Variants in CYP4X1 observed in about 807,000 individuals in gnomAD.
The protein encoded by CYP4X1 is cytochrome P450 4X1.
CYP4X1 carries 44 observed loss-of-function variants against 57.9 expected under a neutral mutation model. That is an observed-to-expected ratio of 0.76 (90% CI 0.60 to 0.98). The LOEUF is 0.98. Among genes scored for constraint, CYP4X1 ranks in the 50% least tolerant of loss-of-function variants. The pLI is 0.00. For missense variants in CYP4X1, 532 were observed against 623.9 expected (o/e 0.85, Z 1.57); for synonymous variants, 227 against 228.6 (o/e 0.99, Z 0.06).
chr1:47,029,538 G>A (rs1201833797), intron 1 of CYP4X1, among the ~76,000 whole-genome samples: 1 of 152,174 alleles, frequency 6.6e-6, no homozygotes, highest in Non-Finnish European at 1.5e-5. Context: ...AATCACTGGT[G>A]CATAATTAGA....
intron 11 of CYP4X1, 69 bp from the exon 12 acceptor site, chr1:47,049,931 T>C (rs1644344221): frequency 1.7e-5 from 25 of 1,454,368 alleles, no homozygotes; most frequent in Non-Finnish European, 2.1e-5. Flanking sequence ...CTTATTGTAC[T>C]AGTATTTTAC....
At chr1:46,964,634 G>C in the CYP4X1 span, among the ~76,000 whole-genome samples, 1 of 152,326 alleles carries the variant, frequency 6.6e-6, no homozygotes, top group Non-Finnish European at 1.5e-5. Context: ...ACCATGTGAG[G>C]TGTCAGTCTG....
At chr1:47,009,623 C>A in the CYP4X1 span, among the ~76,000 whole-genome samples, 3 of 152,106 alleles carry the variant, frequency 2.0e-5, no homozygotes, top group Admixed American at 6.5e-5. Flanking sequence ...AATCCCAGAG[C>A]TGGTTTTTTG....
chr1:46,991,357 A>T, the CYP4X1 span, among the ~76,000 whole-genome samples: 1 of 152,140 alleles, frequency 6.6e-6, no homozygotes, highest in Non-Finnish European at 1.5e-5. Flanking sequence ...GGGCCTCATT[A>T]ATTCTCCACA....
downstream of CYP4X1, among the ~76,000 whole-genome samples, chr1:47,052,742 T>A (rs1361473342): frequency 6.6e-6 from 1 of 152,108 alleles, no homozygotes; most frequent in Non-Finnish European, 1.5e-5. Context: ...AAATCTTCTT[T>A]GGAACTCAGT....
the CYP4X1 span, among the ~76,000 whole-genome samples, chr1:46,990,207 AAAAC>A: frequency 1.8e-3 from 279 of 152,360 alleles, 5 homozygotes; most frequent in Non-Finnish European, 1.3e-4. Flanking sequence ...TTACAAGAAA[AAAAC>A]AAACAACCCC....
At chr1:47,011,809 T>C in the CYP4X1 span, among the ~76,000 whole-genome samples, 1 of 152,218 alleles carries the variant, frequency 6.6e-6, no homozygotes, top group Non-Finnish European at 1.5e-5. Flanking sequence ...CATGAAAAGA[T>C]GCTCATCATC....
intron 3 of CYP4X1, 107 bp downstream of exon 3, chr1:47,031,587 G>T: frequency 8.1e-7 from 1 of 1,241,714 alleles, no homozygotes; most frequent in Admixed American, 1.8e-5. Flanking sequence ...CACAAAGAGT[G>T]CAAGGTAGAG....
At chr1:46,969,127 T>A in the CYP4X1 span, among the ~76,000 whole-genome samples, 3 of 152,224 alleles carry the variant, frequency 2.0e-5, no homozygotes, top group South Asian at 6.2e-4. Flanking sequence ...GATCAGTGAG[T>A]GAGTGCTCAG....
the CYP4X1 span, among the ~76,000 whole-genome samples, chr1:46,971,817 A>G: frequency 3.3e-5 from 5 of 151,246 alleles, no homozygotes; most frequent in African/African-American, 9.7e-5. Flanking sequence ...TAAGCTTGCT[A>G]TAGATTCTGG....
chr1:47,006,607 T>G, the CYP4X1 span, among the ~76,000 whole-genome samples: 1 of 152,072 alleles, frequency 6.6e-6, no homozygotes, highest in African/African-American at 2.4e-5. Context: ...TGCAACACAC[T>G]GAGCATGAGC....
At chr1:46,995,572 G>A in the CYP4X1 span, among the ~76,000 whole-genome samples, 2 of 152,086 alleles carry the variant, frequency 1.3e-5, no homozygotes, top group African/African-American at 2.4e-5. Context: ...AATGTCCAGA[G>A]TTCAGAGAGT....
the CYP4X1 span, among the ~76,000 whole-genome samples, chr1:46,964,214 T>C: frequency 2.6e-5 from 4 of 152,186 alleles, no homozygotes; most frequent in South Asian, 8.3e-4. Context: ...TCAGATAAGT[T>C]TGATCGTCTG....
intron 4 of CYP4X1, among the ~76,000 whole-genome samples, chr1:47,033,867 C>T (rs1431435181): frequency 6.6e-6 from 1 of 152,212 alleles, no homozygotes; most frequent in African/African-American, 2.4e-5. Context: ...GAGGGGCATA[C>T]ATGCTTCAGA....
At chr1:47,043,077 G>A (rs1398530290) in intron 8 of CYP4X1, among the ~76,000 whole-genome samples, 1 of 152,172 alleles carries the variant, frequency 6.6e-6, no homozygotes, top group Non-Finnish European at 1.5e-5. Context: ...CCCACCAACA[G>A]TGTAGAAGTG....
chr1:46,962,444 G>A, the CYP4X1 span, among the ~76,000 whole-genome samples: 1 of 152,046 alleles, frequency 6.6e-6, no homozygotes, highest in African/African-American at 2.4e-5. Context: ...AATTGATTCT[G>A]GGTTTCCTGG....
At chr1:46,965,671 G>C in the CYP4X1 span, among the ~76,000 whole-genome samples, 1 of 152,262 alleles carries the variant, frequency 6.6e-6, no homozygotes. Flanking sequence ...GTCTCACTCA[G>C]TCAGAAGAGC....
chr1:46,978,711 C>A, the CYP4X1 span, among the ~76,000 whole-genome samples: 653 of 152,266 alleles, frequency 4.3e-3, 2 homozygotes, highest in Non-Finnish European at 7.6e-3. Context: ...CCAAAATTGA[C>A]CACATAGTTG....
rs770435494 is a variant in CYP4X1 at position 47,023,905 on chromosome 1, A to C, written c.88A>C (p.Ile30Leu). 9.3e-6 allele frequency: 15 copies of C among 1,613,574 alleles called. No homozygotes were observed. The East Asian group carries it at 3.1e-4, about 34-fold the overall frequency. The stretch of plus-strand genomic sequence containing the variant: ...CCTGGCCCTGGGGCTGCTGCAGGCC[A>C]TTAAGCTGTACCTGCGGAGGCAGCG... ...FCLALGLLQA[I>L]KLYLRRQRLL... Residue 30 changes from isoleucine (I) to leucine (L), a missense_variant, in exon 1 of 12, where the codon ATT becomes CTT. Physicochemically the swap from Ile to Leu is conservative, Grantham distance 5. Coordinates refer to ENST00000371901, the MANE Select transcript of CYP4X1 (RefSeq NM_178033.2).
Sources: gnomAD v4.1 joint callset for allele counts (sites outside exome capture counted in the v4.1 genomes callset) on GRCh38, gnomAD v4.1.1 for gene constraint, MANE v1.5 for transcripts, NCBI Gene and HGNC (gene_info 2026-07-23, HGNC 2026-07-21) for gene names.